The following LRRC8A variants were observed in gnomAD, a reference collection of about 807,000 sequenced individuals.
The protein encoded by LRRC8A is volume-regulated anion channel subunit LRRC8A.
A neutral mutation model predicts 52.5 loss-of-function variants in LRRC8A; 24 were observed. The ratio of observed to expected loss-of-function variants is 0.46; its 90% CI spans 0.33 to 0.64. The LOEUF (loss-of-function observed/expected upper bound fraction) is 0.64. LRRC8A is among the 30% of genes least tolerant of loss of function. LRRC8A has a pLI of 0.02. For synonymous variants in LRRC8A, 492 were observed against 494.2 expected, an observed-to-expected ratio of 1.00 and a Z score of 0.06; for missense variants, 677 against 1,094.7, an observed-to-expected ratio of 0.62 and a Z score of 5.38.
In LRRC8A at chr9:128,903,765, C is replaced by T. The variant is rs140143562; in HGVS notation, c.-8-3392C>T. Among the ~76,000 whole-genome samples, 692 of 151,812 alleles carry T rather than the reference C, an allele frequency of 4.6e-3. 7 individuals carry two copies. The highest frequency in any genetic ancestry group is 0.016 in the African/African-American group (659 of 41,454). On this transcript the variant is annotated intron_variant, in intron 2 of 3. Coordinates refer to ENST00000372600, the MANE Select transcript of LRRC8A (RefSeq NM_019594.4). The stretch of plus-strand genomic sequence containing the variant: ...TACCTAGGCCGGGCACGGTGGCTCA[C>T]GCCTGTAATCCCAGAACTTTGGGAG...
intron 3 of LRRC8A, among the ~76,000 whole-genome samples, chr9:128,913,685 TC>T (rs1301217258): frequency 1.3e-5 from 2 of 152,142 alleles, no homozygotes; most frequent in Non-Finnish European, 2.9e-5. Context: ...TCCAGAGCTT[TC>T]CCACTGTCCC....
rs1588186180 is a variant in LRRC8A at position 128,882,592 on chromosome 9, ACT to A, written c.-116+346_-116+347del. 14 of 390,316 alleles carry A rather than the reference ACT, an allele frequency of 3.6e-5. No homozygotes were observed. In the East Asian group the frequency reaches 5.1e-4, roughly 14 times the overall value. 24.2% of individuals were successfully genotyped at this position (390,316 alleles called of 1,614,324 possible). A position where few individuals can be genotyped will look rare whatever the true frequency, so the allele number is the denominator to read the frequency against. On this transcript the variant is annotated intron_variant, in intron 1 of 3. Transcript: ENST00000372600. ...CCCAGATCCTCACCCCTCCACACAC[ACT>A]CTCCCGTTCCTAGAGGTTCCACCTC... is the stretch of plus-strand genomic sequence containing the variant.
rs1054178545 is a variant in LRRC8A, at chr9:128,918,006, C to G, written c.*1635C>G. The G allele has an allele frequency of 2.0e-5, 3 of 152,584 alleles. No individual in the cohort carries two copies. Among genetic ancestry groups the G allele is most frequent in the African/African-American group, 7.2e-5 (3 of 41,408 alleles). 9.5% of individuals were successfully genotyped at this position (152,584 alleles called of 1,614,324 possible). Reference sequence around the variant, plus strand: ...ACATGTGGGTCTGAACTTGTAGACTCGGTCACAGTATCAAATAAAATCTAT... The same window carrying G: ...ACATGTGGGTCTGAACTTGTAGACTGGGTCACAGTATCAAATAAAATCTAT... On this transcript the variant is annotated 3_prime_UTR_variant, in exon 4 of 4. Coordinates refer to ENST00000372600, the MANE Select transcript of LRRC8A (RefSeq NM_019594.4).
intron 1 of LRRC8A, among the ~76,000 whole-genome samples, chr9:128,885,633 C>T (rs951067712): frequency 4.6e-5 from 7 of 152,198 alleles, no homozygotes; most frequent in East Asian, 1.9e-4. Flanking sequence ...GTCTGCCAGG[C>T]GCGGTGGCTC....
Position 128,907,257 on chromosome 9 carries a change from C to T in LRRC8A, c.93C>T (p.Ile31=). The change falls in exon 3 of 4, where the codon ATC becomes ATT. Residue 31 remains isoleucine (I), a synonymous_variant. Transcript: ENST00000372600. The surrounding 1 kb of genome is among the most constrained non-coding windows in gnomAD (Gnocchi z 9.3). ...KPWWDVFTDY[I]SIVMLMIAVF... The stretch of plus-strand genomic sequence containing the variant: ...GGTGGGATGTGTTCACAGACTACAT[C>T]TCTATCGTCATGCTGATGATTGCCG... The T allele has an allele frequency of 6.2e-7, 1 of 1,614,134 alleles. No homozygotes were observed. Among genetic ancestry groups the T allele is most frequent in the Non-Finnish European group, 8.5e-7 (1 of 1,180,030 alleles).
Position 128,902,882 on chromosome 9 carries a change from C to G in LRRC8A, c.-8-4275C>G, listed in dbSNP as rs1477184836. Among the ~76,000 whole-genome samples, 1 of 152,176 alleles carries G rather than the reference C, an allele frequency of 6.6e-6. No homozygotes were observed. The highest frequency in any genetic ancestry group is 1.9e-4 in the East Asian group (1 of 5,190). ...TGACTTCTGGCCTGGAGCTGCCAGC[C>G]CAGGGCGGGCGGTGGTGTCTGCTGG... On this transcript the variant is annotated intron_variant, in intron 2 of 3. Coordinates refer to ENST00000372600, the MANE Select transcript of LRRC8A (RefSeq NM_019594.4). This position sits in a 1 kb window ranked among gnomAD's most constrained non-coding sequence, Gnocchi z 4.1.
chr9:128,916,306 C>G lies in LRRC8A; in HGVS notation c.2368C>G (p.Leu790Val). ...KRSGLVVEED[L>V]FNTLPPEVKE... ...CAGCGGCTTGGTGGTGGAGGAGGAC[C>G]TGTTCAACACACTGCCACCCGAGGT... The change falls in exon 4 of 4, where the codon CTG (leucine) becomes GTG (valine). Residue 790 changes from leucine (L) to valine (V), a missense_variant. Coordinates refer to ENST00000372600, the MANE Select transcript of LRRC8A (RefSeq NM_019594.4). This position sits in a 1 kb window ranked among gnomAD's most constrained non-coding sequence, Gnocchi z 6.1. The G allele has an allele frequency of 6.2e-7, 1 of 1,613,042 alleles. No homozygotes were observed. Among genetic ancestry groups the G allele is most frequent in the Non-Finnish European group, 8.5e-7 (1 of 1,179,946 alleles).
At chr9:128,909,666 G>A (rs1840418786) in intron 3 of LRRC8A, among the ~76,000 whole-genome samples, 1 of 152,226 alleles carries the variant, frequency 6.6e-6, no homozygotes, top group South Asian at 2.1e-4. Flanking sequence ...GCTTGGGCAG[G>A]AGGTCCAAAC....
At position 128,899,420 on chromosome 9, in the gene LRRC8A, C is replaced by G. The variant is rs1839944281; in HGVS notation, c.-8-7737C>G. 6.6e-6 allele frequency among the ~76,000 whole-genome samples: 1 copy of G among 152,112 alleles called. No individual in the cohort carries two copies. The highest frequency in any genetic ancestry group is 2.1e-4 in the South Asian group (1 of 4,816). On this transcript the variant is annotated intron_variant, in intron 2 of 3. Transcript: ENST00000372600. The surrounding 1 kb of genome is among the most constrained non-coding windows in gnomAD (Gnocchi z 4.0). ...GGGTCTGCTCCATCTGAATGGCCCACCCTGGAGGTGCTGCCTGTCTGGGCC... is the reference window on the plus strand; with the variant it reads ...GGGTCTGCTCCATCTGAATGGCCCAGCCTGGAGGTGCTGCCTGTCTGGGCC...
chr9:128,903,414 T>C (rs1840105820), intron 2 of LRRC8A, among the ~76,000 whole-genome samples: 1 of 144,670 alleles, frequency 6.9e-6, no homozygotes, highest in African/African-American at 2.5e-5. Flanking sequence ...GTGCTGTTCT[T>C]TTTTTTTTTT....
At chr9:128,887,638 A>G (rs1839445986) in intron 2 of LRRC8A, among the ~76,000 whole-genome samples, 1 of 150,822 alleles carries the variant, frequency 6.6e-6, no homozygotes, top group Non-Finnish European at 1.5e-5. Context: ...TCATATAATG[A>G]TATCCCCCGG....
rs920227286 is a variant in LRRC8A, at chr9:128,882,482, A to G, written c.-116+232A>G. On this transcript the variant is annotated intron_variant, in intron 1 of 3. Transcript: ENST00000372600. ...CTCCGCGGCGCGCGAGCCCCCTCCC[A>G]GGCACCCCTGTGCCTCCTTGTGCTT... The G allele has an allele frequency of 8.2e-5, 31 of 379,606 alleles. 1 individual carries two copies. The Middle Eastern group carries it at 4.7e-3, about 57-fold the overall frequency. The allele number at this position is 379,606 out of a possible 1,614,324, so 23.5% of individuals were successfully genotyped here.
In LRRC8A at chr9:128,902,272, G is replaced by A. The variant is rs191509667; in HGVS notation, c.-8-4885G>A. On this transcript the variant is annotated intron_variant, in intron 2 of 3. Transcript: ENST00000372600. The surrounding 1 kb of genome is among the most constrained non-coding windows in gnomAD (Gnocchi z 4.1). ...CGGATGTTCCCAGACCAAGCACGGAGTTGGGGCGGGTGGTCAGAATCAGAC... is the reference window on the plus strand; with the variant it reads ...CGGATGTTCCCAGACCAAGCACGGAATTGGGGCGGGTGGTCAGAATCAGAC... Among the ~76,000 whole-genome samples, 1 of 152,362 alleles carries A rather than the reference G, an allele frequency of 6.6e-6. No homozygotes were observed. Among genetic ancestry groups the A allele is most frequent in the East Asian group, 1.9e-4 (1 of 5,186 alleles).
chr9:128,914,737 A>C (rs1310218046), intron 3 of LRRC8A, among the ~76,000 whole-genome samples: 3 of 152,168 alleles, frequency 2.0e-5, no homozygotes, highest in African/African-American at 7.2e-5. Context: ...TGCCCATCCC[A>C]TCTGAAGGAG....
chr9:128,908,100 C>T lies in LRRC8A; in HGVS notation c.936C>T (p.His312=), dbSNP rs140764686. Residue 312 remains histidine, a synonymous_variant, in exon 3 of 4, where the codon CAC becomes CAT. Transcript: ENST00000372600. The stretch of plus-strand genomic sequence containing the variant: ...GCTACCGCACCTACCGCTGTGCCCA[C>T]CCCCTGGCCACACTCTTCAAGATCC... The part of the protein sequence containing the change: ...LTGYRTYRCA[H]PLATLFKILA... 521 of 1,613,948 alleles carry T rather than the reference C, an allele frequency of 3.2e-4. No homozygotes were observed. The highest frequency in any genetic ancestry group is 1.5e-3 in the Admixed American group (92 of 60,016).
chr9:128,907,371 C>T lies in LRRC8A; in HGVS notation c.207C>T (p.Phe69=). The change falls in exon 3 of 4, where the codon TTC becomes TTT. Residue 69 remains phenylalanine, a synonymous_variant. Transcript: ENST00000372600. The surrounding 1 kb of genome is among the most constrained non-coding windows in gnomAD (Gnocchi z 9.3). The part of the protein sequence containing the change: ...WVTKDSCNDS[F]RGWAAPGPEP... ...CCAAGGACTCCTGCAATGATTCGTT[C>T]CGGGGCTGGGCAGCCCCTGGCCCGG... 4 of 1,613,676 alleles carry T rather than the reference C, an allele frequency of 2.5e-6. No homozygotes were observed. The highest frequency in any genetic ancestry group is 2.2e-5 in the South Asian group (2 of 91,084).
At position 128,907,284 on chromosome 9, in the gene LRRC8A, C is replaced by T; in HGVS notation, c.120C>T (p.Val40=). 2.5e-6 allele frequency: 4 copies of T among 1,614,076 alleles called. No individual in the cohort carries two copies. Among genetic ancestry groups the T allele is most frequent in the Middle Eastern group, 1.6e-4 (1 of 6,062 alleles). Residue 40 remains valine (V), a synonymous_variant, in exon 3 of 4, where the codon GTC becomes GTT. Coordinates refer to ENST00000372600, the MANE Select transcript of LRRC8A (RefSeq NM_019594.4). This position sits in a 1 kb window ranked among gnomAD's most constrained non-coding sequence, Gnocchi z 9.3. ...CTATCGTCATGCTGATGATTGCCGT[C>T]TTCGGGGGGACGCTGCAGGTCACCC... ...YISIVMLMIA[V]FGGTLQVTQD... is the part of the protein sequence containing the mutation.
intron 2 of LRRC8A, among the ~76,000 whole-genome samples, chr9:128,889,063 A>G (rs1466488382): frequency 6.6e-6 from 1 of 152,090 alleles, no homozygotes; most frequent in Non-Finnish European, 1.5e-5. Flanking sequence ...CCCCAGAGGG[A>G]TGAGGTCTCT....
chr9:128,898,984 G>T (rs374967747), intron 2 of LRRC8A, among the ~76,000 whole-genome samples: 20 of 152,344 alleles, frequency 1.3e-4, no homozygotes, highest in African/African-American at 4.8e-4. Flanking sequence ...CCAGCTGGAG[G>T]CCAGAACAGT....
Sources: allele counts gnomAD v4.1 joint callset (sites outside exome capture counted in the v4.1 genomes callset), GRCh38; gene constraint gnomAD v4.1.1; non-coding constraint Gnocchi (gnomAD v3.1); transcripts MANE v1.5; gene names NCBI Gene and HGNC (gene_info 2026-07-23, HGNC 2026-07-21).